The following DGKB variants were observed in gnomAD, a reference collection of about 807,000 sequenced individuals.
DGKB encodes diacylglycerol kinase beta, also known as 90 kDa diacylglycerol kinase.
DGKB carries 67 observed loss-of-function variants against 114.3 expected under a neutral mutation model. The ratio of observed to expected loss-of-function variants is 0.59; its 90% confidence interval spans 0.48 to 0.72. The LOEUF (loss-of-function observed/expected upper bound fraction) is 0.72. Ranked by LOEUF, DGKB falls within the 30% of genes least tolerant of loss-of-function variation. The probability of loss-of-function intolerance (pLI) is 0.00; values close to 1 mark genes in which losing one functional copy is unlikely to be tolerated. For synonymous variants in DGKB, 398 were observed against 323.1 expected (o/e 1.23, Z -2.49); for missense variants, 907 against 975.2 (o/e 0.93, Z 0.93).
intron 21 of DGKB, among the ~76,000 whole-genome samples, chr7:14,423,447 T>G (rs538189767): frequency 1.3e-5 from 2 of 152,170 alleles, no homozygotes; most frequent in South Asian, 4.1e-4. Context: ...ACTATTATAC[T>G]TTTAGATTTT....
At chr7:14,700,061 T>C (rs1563951189) in intron 7 of DGKB, among the ~76,000 whole-genome samples, 1 of 152,152 alleles carries the variant, frequency 6.6e-6, no homozygotes, top group Non-Finnish European at 1.5e-5. Context: ...TCACAAGTGC[T>C]ATACTAAGCA....
chr7:14,974,358 A>C (rs188918420), intron 1 of DGKB, among the ~76,000 whole-genome samples: 81 of 152,236 alleles, frequency 5.3e-4, no homozygotes, highest in Non-Finnish European at 4.6e-4. Flanking sequence ...CAACAAAAAG[A>C]TTTTAAATCT....
Position 14,607,528 on chromosome 7 carries a change from G to C in DGKB, c.1359-20C>G. The C allele has an allele frequency of 1.6e-6, 2 of 1,240,510 alleles. No individual in the cohort carries two copies. Among genetic ancestry groups the C allele is most frequent in the Non-Finnish European group, 2.3e-6 (2 of 851,190 alleles). The allele number at this position is 1,240,510 out of a possible 1,614,324, so 76.8% of individuals were successfully genotyped here. A position where few individuals can be genotyped will look rare whatever the true frequency, so the allele number is the denominator to read the frequency against. ...TAAATTCTATAAAGGTGAAAATGTG[G>C]GGAAAAAATTTAATAATATTCAATA... On this transcript the variant is annotated intron_variant, in intron 16 of 25. Transcript: ENST00000402815.
chr7:14,213,612 C>G (rs1035196411), intron 23 of DGKB, among the ~76,000 whole-genome samples: 3 of 152,134 alleles, frequency 2.0e-5, no homozygotes, highest in Admixed American at 6.6e-5. Flanking sequence ...TGATGCAAAC[C>G]ATTGCAGAAG....
At chr7:14,280,956 C>T (rs996281785) in intron 23 of DGKB, among the ~76,000 whole-genome samples, 9 of 151,216 alleles carry the variant, frequency 6.0e-5, no homozygotes, top group East Asian at 2.0e-4. Flanking sequence ...CATCAACTAA[C>T]GAGCAAAATC....
chr7:14,809,708 T>A (rs28610468), intron 2 of DGKB, among the ~76,000 whole-genome samples: 44,509 of 151,946 alleles, frequency 0.29, 7,321 homozygotes, highest in East Asian at 0.43. Context: ...CAAATGTGTA[T>A]AATAATTCAG....
intron 1 of DGKB, 41 bp downstream of exon 1, chr7:14,902,551 A>G (rs942967358): frequency 6.6e-6 from 1 of 152,304 alleles, no homozygotes; most frequent in African/African-American, 2.4e-5. Flanking sequence ...CCACACACCC[A>G]GAAGCCACTC....
At chr7:14,884,306 C>G (rs1318682751) in intron 1 of DGKB, among the ~76,000 whole-genome samples, 1 of 151,800 alleles carries the variant, frequency 6.6e-6, no homozygotes, top group Non-Finnish European at 1.5e-5. Context: ...TGAAACGGAA[C>G]CATTTAACTA....
intron 23 of DGKB, among the ~76,000 whole-genome samples, chr7:14,258,481 G>A (rs1230539091): frequency 1.3e-5 from 2 of 152,110 alleles, no homozygotes; most frequent in African/African-American, 4.8e-5. Context: ...CTGAAATTAG[G>A]GGGAAATGCA....
intron 5 of DGKB, 58 bp downstream of exon 5, chr7:14,735,979 CTAGA>C: frequency 1.0e-6 from 1 of 983,928 alleles, no homozygotes; most frequent in Non-Finnish European, 1.4e-6. Flanking sequence ...TTTATGATAA[CTAGA>C]TATTTATTTA....
chr7:14,924,793 A>T (rs1223442799), intron 1 of DGKB, among the ~76,000 whole-genome samples: 1 of 152,166 alleles, frequency 6.6e-6, no homozygotes, highest in Non-Finnish European at 1.5e-5. Flanking sequence ...AAGATATAAT[A>T]CAGAAACACT....
In DGKB at chr7:14,961,282, A is replaced by G. The variant is rs148101790; in HGVS notation, c.-188+13414T>C. Among the ~76,000 whole-genome samples the G allele has an allele frequency of 8.7e-4, 132 of 152,224 alleles. 2 individuals are homozygous for G. In the East Asian group the frequency reaches 0.019, roughly 22 times the overall value. On this transcript the variant is annotated intron_variant, in intron 1 of 4. Coordinates refer to the DGKB transcript ENST00000437998. ...CATAATAAAGTTTTTTGAACAAAACATTGATTTTATTTCCATATTCCTCCA... is the reference window on the plus strand; with the variant it reads ...CATAATAAAGTTTTTTGAACAAAACGTTGATTTTATTTCCATATTCCTCCA...
intron 1 of DGKB, among the ~76,000 whole-genome samples, chr7:14,971,080 AAGTC>A (rs995512342): frequency 1.5e-4 from 23 of 152,300 alleles, no homozygotes; most frequent in Admixed American, 7.8e-4. Context: ...AAACAGAACT[AAGTC>A]AGAGTTCTCT....
intron 20 of DGKB, among the ~76,000 whole-genome samples, chr7:14,570,457 G>C (rs928150926): frequency 6.6e-6 from 1 of 152,020 alleles, no homozygotes; most frequent in African/African-American, 2.4e-5. Flanking sequence ...AAAAAAATTG[G>C]AGCATAACAT....
intron 23 of DGKB, among the ~76,000 whole-genome samples, chr7:14,278,502 T>TAAAC (rs768917204): frequency 1.1e-4 from 16 of 152,150 alleles, no homozygotes; most frequent in Admixed American, 4.6e-4. Flanking sequence ...TCAAATGGAC[T>TAAAC]AAACACTTAA....
chr7:14,794,421 CT>C (rs1007115126), intron 2 of DGKB, among the ~76,000 whole-genome samples: 1 of 152,156 alleles, frequency 6.6e-6, no homozygotes, highest in African/African-American at 2.4e-5. Flanking sequence ...CTAGATACCT[CT>C]GTATAAAATA....
intron 20 of DGKB, among the ~76,000 whole-genome samples, chr7:14,571,217 T>G (rs1798333683): frequency 6.6e-6 from 1 of 152,226 alleles, no homozygotes; most frequent in African/African-American, 2.4e-5. Flanking sequence ...TAATTAGTGA[T>G]ATTTCAGATT....
chr7:14,713,815 T>C (rs1827752684), intron 6 of DGKB, among the ~76,000 whole-genome samples: 2 of 152,008 alleles, frequency 1.3e-5, no homozygotes, highest in Admixed American at 1.3e-4. Context: ...GATTCCCTAT[T>C]GATTTTCTCT....
chr7:14,799,239 C>T (rs1841820920), intron 2 of DGKB, among the ~76,000 whole-genome samples: 1 of 152,178 alleles, frequency 6.6e-6, no homozygotes, highest in African/African-American at 2.4e-5. Flanking sequence ...GTCCATAAAG[C>T]CCACCAGAAG....
Sources: gnomAD v4.1 joint callset for allele counts (sites outside exome capture counted in the v4.1 genomes callset) on GRCh38, gnomAD v4.1.1 for gene constraint, MANE v1.5 for transcripts, NCBI Gene and HGNC (gene_info 2026-07-23, HGNC 2026-07-21) for gene names.